The following CDC27 variants were observed in gnomAD, a reference collection of about 807,000 sequenced individuals.
The protein encoded by CDC27 is cell division cycle 27, also known as cell division cycle protein 27 homolog.
A neutral mutation model predicts 109.7 loss-of-function variants in CDC27; 27 were observed. The ratio of observed to expected loss-of-function variants is 0.25; its 90% CI spans 0.18 to 0.34. The LOEUF (loss-of-function observed/expected upper bound fraction) is 0.34, where lower values mean the gene tolerates loss of function less well. Among genes scored for constraint, CDC27 ranks in the 10% least tolerant of loss-of-function variants. The probability of loss-of-function intolerance (pLI) is 1.00; values close to 1 mark genes in which losing one functional copy is unlikely to be tolerated. For synonymous variants in CDC27, 266 were observed against 333.9 expected, an observed-to-expected ratio of 0.80 and a Z score of 2.22; for missense variants, 579 against 960.2, an observed-to-expected ratio of 0.60 and a Z score of 5.25.
In CDC27 at chr17:47,142,367, T is replaced by G. The variant is rs563164697; in HGVS notation, c.1240A>C (p.Asn414His). Residue 414 changes from asparagine (N) to histidine (H), a missense_variant, in exon 11 of 19, where the codon AAT becomes CAT. Around this residue, in one of 9 missense-constraint regions of CDC27, gnomAD observed 58 missense variants for 116.6 expected, o/e 0.50. Coordinates refer to ENST00000066544, the MANE Select transcript of CDC27 (RefSeq NM_001256.6). ...TTAGGTTGAGTTATTCCTCCTTTATTAGTTTTACTTTTTGTTTTTCTGTTT... is the reference window on the plus strand; with the variant it reads ...TTAGGTTGAGTTATTCCTCCTTTATGAGTTTTACTTTTTGTTTTTCTGTTT... Reference protein sequence around the residue: ...IPNRKTKSKTNKGGITQPNIN... With the variant: ...IPNRKTKSKTHKGGITQPNIN... 6.6e-7 allele frequency: 1 copy of G among 1,512,328 alleles called. No homozygotes were observed. The highest frequency in any genetic ancestry group is 1.4e-5 in the African/African-American group (1 of 72,550). The allele number at this position is 1,512,328 out of a possible 1,614,324, so 93.7% of individuals were successfully genotyped here.
chr17:47,148,870 G>A (rs897650441), intron 9 of CDC27, among the ~76,000 whole-genome samples: 1 of 152,052 alleles, frequency 6.6e-6, no homozygotes, highest in African/African-American at 2.4e-5. Context: ...CCTGAGGTCA[G>A]GAATTCAAGA....
intron 1 of CDC27, among the ~76,000 whole-genome samples, chr17:47,185,177 A>G (rs946316064): frequency 6.6e-6 from 1 of 152,002 alleles, no homozygotes; most frequent in African/African-American, 2.4e-5. Flanking sequence ...TAATCACTAT[A>G]AATTTTTCTC....
chr17:47,143,266 T>A (rs2062854508), intron 10 of CDC27, among the ~76,000 whole-genome samples: 1 of 152,078 alleles, frequency 6.6e-6, no homozygotes, highest in Admixed American at 6.6e-5. Flanking sequence ...GTCCGCCGGG[T>A]CTCCAGTTTT....
chr17:47,159,234 ACT>A, intron 4 of CDC27: 1 of 488,436 alleles, frequency 2.0e-6, no homozygotes, highest in Non-Finnish European at 3.6e-6. Context: ...CTGTACGGAG[ACT>A]CTAGTGTGGG....
In CDC27 at chr17:47,133,014, TATATATATATATATAC is replaced by T. The variant is rs1221495004; in HGVS notation, c.1914-656_1914-641del. ...ATATATATATATATATATATATATA[TATATATATATATATAC>T]ACACACACACACACACACACACACA... On this transcript the variant is annotated intron_variant, in intron 14 of 18. Coordinates refer to ENST00000066544, the MANE Select transcript of CDC27 (RefSeq NM_001256.6). Among the ~76,000 whole-genome samples, 12 of 45,366 alleles carry T rather than the reference TATATATATATATATAC, an allele frequency of 2.6e-4. 1 individual carries two copies. Among genetic ancestry groups the T allele is most frequent in the African/African-American group, 7.9e-4 (11 of 13,844 alleles). 29.8% of individuals were successfully genotyped at this position (45,366 alleles called of 152,430 possible). A position where few individuals can be genotyped will look rare whatever the true frequency, so the allele number is the denominator to read the frequency against.
At chr17:47,173,535 A>G (rs2063881696) in intron 2 of CDC27, among the ~76,000 whole-genome samples, 2 of 152,324 alleles carry the variant, frequency 1.3e-5, no homozygotes, top group African/African-American at 4.8e-5. Context: ...ACTATTGATT[A>G]TACCAATAAA....
chr17:47,188,997 C>T, intron 1 of CDC27, 149 bp downstream of exon 1: 1 of 1,490,586 alleles, frequency 6.7e-7, no homozygotes, highest in Non-Finnish European at 9.1e-7. Flanking sequence ...GCAAGGCCTC[C>T]GAACTGACTA....
In CDC27 at chr17:47,120,743, C is replaced by T; in HGVS notation, c.*192G>A. 2 of 492,496 alleles carry T rather than the reference C, an allele frequency of 4.1e-6. No individual in the cohort carries two copies. The highest frequency in any genetic ancestry group is 3.6e-6 in the Non-Finnish European group (1 of 274,902). The allele number at this position is 492,496 out of a possible 1,614,324, so 30.5% of individuals were successfully genotyped here. On this transcript the variant is annotated 3_prime_UTR_variant, in exon 19 of 19. Transcript: ENST00000066544. The stretch of plus-strand genomic sequence containing the variant: ...CATTCATACTGGTAAAAGAGCCAGT[C>T]TTGTTAGCAGCTAAATATTGCACTG...
At chr17:47,147,428 CAAAA>C (rs112729209) in intron 9 of CDC27, among the ~76,000 whole-genome samples, 82 of 134,780 alleles carry the variant, frequency 6.1e-4, no homozygotes, top group East Asian at 2.8e-3. Flanking sequence ...AACAAACAAA[CAAAA>C]AAAAAAACAC....
intron 9 of CDC27, 90 bp downstream of exon 9, chr17:47,151,716 T>C (rs1380931287): frequency 2.3e-5 from 22 of 964,328 alleles, no homozygotes; most frequent in Non-Finnish European, 3.3e-5. Context: ...TATTCTAGAA[T>C]CCACGAGAGT....
At chr17:47,170,932 C>T (rs1201428993) in intron 3 of CDC27, 1 of 152,100 alleles carries the variant, frequency 6.6e-6, no homozygotes, top group Admixed American at 6.6e-5. Context: ...GAGACCCCAT[C>T]TATACAAAAA....
In CDC27 at chr17:47,128,180, A is replaced by C. The variant is rs535216712; in HGVS notation, c.2160+1213T>G. ...CAAGTAGCTGGGTCTACAGGTGCAC[A>C]CCACCATGCCTGGCTAATTTTTGTA... On this transcript the variant is annotated intron_variant, in intron 16 of 18. Transcript: ENST00000066544. Among the ~76,000 whole-genome samples the C allele has an allele frequency of 3.3e-5, 5 of 151,826 alleles. No individual in the cohort carries two copies. In the East Asian group the frequency reaches 7.8e-4, roughly 24 times the overall value.
chr17:47,159,011 CAAA>C (rs2063407461), intron 4 of CDC27, among the ~76,000 whole-genome samples: 1 of 152,206 alleles, frequency 6.6e-6, no homozygotes, highest in Non-Finnish European at 1.5e-5. Flanking sequence ...CACAGCCTCC[CAAA>C]ATGCTGGAAT....
Position 47,158,298 on chromosome 17 carries a change from G to C in CDC27, c.383C>G (p.Thr128Arg). 6.5e-7 allele frequency: 1 copy of C among 1,533,350 alleles called. No individual in the cohort carries two copies. The highest frequency in any genetic ancestry group is 8.8e-7 in the Non-Finnish European group (1 of 1,137,166). The allele number at this position is 1,533,350 out of a possible 1,614,324, so 95.0% of individuals were successfully genotyped here. ...LSLLGHVYCKTDRLAKGSECY... is the reference protein window; with the variant it reads ...LSLLGHVYCKRDRLAKGSECY... ...TTCTGATCCTTTGGCAAGCCGATCT[G>C]TCTTGCTGTGGAGAGAAACAAGTAG... The change falls in exon 5 of 19, where the codon ACA becomes AGA. Residue 128 changes from threonine to arginine, a missense_variant. Coordinates refer to ENST00000066544, the MANE Select transcript of CDC27 (RefSeq NM_001256.6).
intron 18 of CDC27, among the ~76,000 whole-genome samples, chr17:47,121,808 C>T (rs190393361): frequency 4.6e-5 from 7 of 150,724 alleles, no homozygotes; most frequent in Admixed American, 4.0e-4. Flanking sequence ...GGCGTGATTT[C>T]GGCTCACTGC....
intron 7 of CDC27, 43 bp from the exon 8 acceptor site, chr17:47,154,829 C>T (rs750440330): frequency 1.1e-6 from 1 of 919,276 alleles, no homozygotes; most frequent in South Asian, 1.4e-5. Context: ...GTCATCAAGG[C>T]ATATATAAAG....
intron 9 of CDC27, among the ~76,000 whole-genome samples, chr17:47,146,901 C>T (rs550475180): frequency 6.6e-6 from 1 of 151,370 alleles, no homozygotes; most frequent in Non-Finnish European, 1.5e-5. Flanking sequence ...CCCATCTCTG[C>T]AAAACTAAAA....
chr17:47,189,217 T>A lies in CDC27; in HGVS notation c.-45A>T, dbSNP rs79580708. On this transcript the variant is annotated 5_prime_UTR_variant, in exon 1 of 19. Transcript: ENST00000066544. ...TTTCTGCAGTGCCTCAGGCCCCCCC[T>A]GTAGCGGCTCCGGCCCGGCCAGCCC... The A allele has an allele frequency of 6.5e-6, 10 of 1,545,160 alleles. No individual in the cohort carries two copies. The highest frequency in any genetic ancestry group is 3.3e-5 in the Admixed American group (2 of 59,840).
At chr17:47,124,775 C>G (rs925122317) in intron 16 of CDC27, among the ~76,000 whole-genome samples, 1 of 152,000 alleles carries the variant, frequency 6.6e-6, no homozygotes, top group Admixed American at 6.6e-5. Context: ...ATTCTACTGT[C>G]CATTTGGACA....
Sources: allele counts gnomAD v4.1 joint callset (sites outside exome capture counted in the v4.1 genomes callset), GRCh38; gene constraint gnomAD v4.1.1; regional missense constraint gnomAD v4.1.1; transcripts MANE v1.5; gene names NCBI Gene and HGNC (gene_info 2026-07-23, HGNC 2026-07-21).